The following WIPF2 variants were observed in gnomAD, a reference collection of about 807,000 sequenced individuals.
The protein encoded by WIPF2 is WAS/WASL-interacting protein family member 2.
In WIPF2, 23 loss-of-function variants were observed where a neutral mutation model predicts 38.8. The observed-to-expected ratio is 0.59, with a 90% CI of 0.43 to 0.84. The LOEUF is 0.84. WIPF2 is among the 40% of genes least tolerant of loss of function. The pLI, the probability that WIPF2 is intolerant of heterozygous loss-of-function variation, is 0.00. For missense variants in WIPF2, 574 were observed against 580.5 expected, an observed-to-expected ratio of 0.99 and a Z score of 0.11; for synonymous variants, 210 against 223.2, an observed-to-expected ratio of 0.94 and a Z score of 0.53.
chr17:40,274,564 A>AGG (rs2032334819), intron 6 of WIPF2, among the ~76,000 whole-genome samples: 1 of 130,078 alleles, frequency 7.7e-6, no homozygotes, highest in African/African-American at 2.9e-5. Flanking sequence ...CTTGAAAAAA[A>AGG]AAAAAAAAAA....
chr17:40,231,547 C>CT (rs1165955200), intron 1 of WIPF2, among the ~76,000 whole-genome samples: 1 of 151,470 alleles, frequency 6.6e-6, no homozygotes, highest in African/African-American at 2.4e-5. Context: ...GCCTCAGCCT[C>CT]TGAGTAGCTG....
At position 40,262,636 on chromosome 17, in the gene WIPF2, G is replaced by A. The variant is rs1470459093; in HGVS notation, c.308G>A (p.Gly103Asp). ...LKLRPVGAKDGSENLAGKPAL... is the reference protein window; with the variant it reads ...LKLRPVGAKDDSENLAGKPAL... ...CTTCGACCTGTGGGAGCCAAGGATG[G>A]TTCAGGTATCTGATGAGTACTTTCC... The change falls in exon 4 of 8, where the codon GGT becomes GAT. Residue 103 changes from glycine (G) to aspartate (D), a missense_variant. Coordinates refer to ENST00000323571, the MANE Select transcript of WIPF2 (RefSeq NM_133264.5). The A allele has an allele frequency of 6.2e-7, 1 of 1,613,186 alleles. No individual in the cohort carries two copies.
chr17:40,236,343 T>G (rs200194374), intron 1 of WIPF2, among the ~76,000 whole-genome samples: 76 of 151,304 alleles, frequency 5.0e-4, no homozygotes, highest in African/African-American at 1.7e-3. Context: ...TCTTCTAACC[T>G]TTTTTTTTCT....
chr17:40,238,239 C>T (rs752049753), intron 1 of WIPF2, among the ~76,000 whole-genome samples: 14 of 152,158 alleles, frequency 9.2e-5, no homozygotes, highest in Admixed American at 2.0e-4. Flanking sequence ...TGATTCTTAT[C>T]TTTCGTGTTA....
intron 1 of WIPF2, among the ~76,000 whole-genome samples, chr17:40,238,149 C>T (rs1265569755): frequency 1.3e-5 from 2 of 151,492 alleles, no homozygotes; most frequent in Non-Finnish European, 2.9e-5. Flanking sequence ...GAGCCACCAC[C>T]CCTGTCTCCA....
rs60253561 is a variant in WIPF2, at chr17:40,219,368, TGGCGGCGGCGGC to T, written c.-174_-163del. The T allele has an allele frequency of 1.6e-3, 596 of 379,694 alleles. 5 individuals are homozygous for T. The highest frequency in any genetic ancestry group is 0.012 in the African/African-American group (521 of 42,838). 23.5% of individuals were successfully genotyped at this position (379,694 alleles called of 1,614,324 possible). ...ATTTCCGGGTTGGCAAAAGGGGCGG[TGGCGGCGGCGGC>T]GGCGGCGGCGGCGGCGGCGACGGCG... On this transcript the variant is annotated 5_prime_UTR_variant, in exon 1 of 8. Coordinates refer to ENST00000323571, the MANE Select transcript of WIPF2 (RefSeq NM_133264.5).
intron 1 of WIPF2, among the ~76,000 whole-genome samples, chr17:40,235,801 C>G (rs1018837942): frequency 6.6e-6 from 1 of 151,218 alleles, no homozygotes; most frequent in Admixed American, 6.6e-5. Context: ...CTCGAATTCC[C>G]GACCTCAGGT....
intron 4 of WIPF2, among the ~76,000 whole-genome samples, chr17:40,263,555 C>A (rs771927035): frequency 1.4e-5 from 2 of 143,974 alleles, no homozygotes; most frequent in African/African-American, 5.1e-5. Flanking sequence ...GTCCCCCCCC[C>A]CCCCGCAAAT....
In WIPF2 at chr17:40,273,999, G is replaced by A. The variant is rs748213735; in HGVS notation, c.1180G>A (p.Asp394Asn). The A allele has an allele frequency of 2.0e-6, 3 of 1,529,350 alleles. No individual in the cohort carries two copies. In the South Asian group the frequency reaches 3.8e-5, roughly 19 times the overall value. The allele number at this position is 1,529,350 out of a possible 1,614,324, so 94.7% of individuals were successfully genotyped here. A position where few individuals can be genotyped will look rare whatever the true frequency, so the allele number is the denominator to read the frequency against. ...TATCACCACTGTCCGGTCTTTCTTGGGTGAGTAGCTAGCTATCTGTAGTCT... is the reference window on the plus strand; with the variant it reads ...TATCACCACTGTCCGGTCTTTCTTGAGTGAGTAGCTAGCTATCTGTAGTCT... ...DSITTVRSFL[D>N]DFESKYSFHP... Residue 394 changes from aspartate to asparagine, a missense_variant and splice_region_variant, in exon 6 of 8, where the codon GAT (aspartate) becomes AAT (asparagine). Asp to Asn is a conservative substitution (Grantham distance 23). Coordinates refer to ENST00000323571, the MANE Select transcript of WIPF2 (RefSeq NM_133264.5).
At chr17:40,265,176 TC>T in intron 5 of WIPF2, 30 bp downstream of exon 5, 1 of 1,554,902 alleles carries the variant, frequency 6.4e-7, no homozygotes, top group East Asian at 2.3e-5. Context: ...TTTTTCCCTA[TC>T]ATGCTGTGAG....
At chr17:40,245,800 C>G (rs2031343386) in intron 1 of WIPF2, among the ~76,000 whole-genome samples, 1 of 152,096 alleles carries the variant, frequency 6.6e-6, no homozygotes, top group Admixed American at 6.6e-5. Flanking sequence ...AACAAAATCC[C>G]TCCTGGTTGA....
rs768443316 is a variant in WIPF2, at chr17:40,264,998, T to G, written c.822T>G (p.Pro274=). The change falls in exon 5 of 8, where the codon CCT becomes CCG. Residue 274 remains proline (P), a synonymous_variant. Coordinates refer to ENST00000323571, the MANE Select transcript of WIPF2 (RefSeq NM_133264.5). ...GPSSPTNESA[P]ELPQRHNSLH... Reference sequence around the variant, plus strand: ...CTAGCCCCACTAATGAGTCAGCCCCTGAGCTGCCACAGAGACACAATTCTT... The same window carrying G: ...CTAGCCCCACTAATGAGTCAGCCCCGGAGCTGCCACAGAGACACAATTCTT... 6.2e-7 allele frequency: 1 copy of G among 1,614,072 alleles called. No homozygotes were observed. Among genetic ancestry groups the G allele is most frequent in the East Asian group, 2.2e-5 (1 of 44,872 alleles).
chr17:40,232,899 A>G (rs796673255), intron 1 of WIPF2, among the ~76,000 whole-genome samples: 7 of 152,264 alleles, frequency 4.6e-5, no homozygotes, highest in African/African-American at 1.7e-4. Flanking sequence ...CGGCCTCCCA[A>G]AGTGCTGGTA....
rs779041485 is a variant in WIPF2 at position 40,260,574 on chromosome 17, C to T, written c.103C>T (p.Arg35Trp). The change falls in exon 3 of 8, where the codon CGG (arginine) becomes TGG (tryptophan). Residue 35 changes from arginine (R) to tryptophan (W), a missense_variant. Transcript: ENST00000323571. ...GCCCAAGCTGAGTAGAGATGAGCAGCGGGGTCGAGGCGCCCTCTTACAGGA... is the reference window on the plus strand; with the variant it reads ...GCCCAAGCTGAGTAGAGATGAGCAGTGGGGTCGAGGCGCCCTCTTACAGGA... ...EQPKLSRDEQ[R>W]GRGALLQDIC... is the part of the protein sequence containing the mutation. 1.5e-5 allele frequency: 24 copies of T among 1,613,706 alleles called. No individual in the cohort carries two copies. Among genetic ancestry groups the T allele is most frequent in the East Asian group, 2.2e-5 (1 of 44,854 alleles).
chr17:40,247,866 GT>G (rs2031423559), intron 1 of WIPF2, among the ~76,000 whole-genome samples: 1 of 152,194 alleles, frequency 6.6e-6, no homozygotes, highest in African/African-American at 2.4e-5. Flanking sequence ...ATAGGGTTAA[GT>G]TAGTAATTGT....
Position 40,223,599 on chromosome 17 carries a change from G to GGGT in WIPF2, c.-70+4107_-70+4108insGGT, listed in dbSNP as rs1216607863. Among the ~76,000 whole-genome samples, 67 of 130,310 alleles carry GGGT rather than the reference G, an allele frequency of 5.1e-4. 1 individual carries two copies. In the East Asian group the frequency reaches 8.2e-3, roughly 16 times the overall value. The allele number at this position is 130,310 out of a possible 152,430, so 85.5% of individuals were successfully genotyped here. ...TGTTGAAGAGAAAATTTTTTTTTGG[G>GGGT]TTTTTTTTTTTTTTTTTTGAGACGG... is the stretch of plus-strand genomic sequence containing the variant. On this transcript the variant is annotated intron_variant, in intron 1 of 7. Transcript: ENST00000323571.
chr17:40,248,439 G>C (rs953311026), intron 1 of WIPF2, among the ~76,000 whole-genome samples: 1 of 152,076 alleles, frequency 6.6e-6, no homozygotes, highest in Non-Finnish European at 1.5e-5. Flanking sequence ...AAAGTGCTGG[G>C]ATTATAGGCG....
At chr17:40,246,396 ATT>A (rs746176753) in intron 1 of WIPF2, among the ~76,000 whole-genome samples, 12 of 90,668 alleles carry the variant, frequency 1.3e-4, no homozygotes, top group Admixed American at 1.2e-4. Context: ...TGTGCTGCTC[ATT>A]TTTTTTTTTT....
At chr17:40,259,726 A>G (rs768984770) in intron 2 of WIPF2, among the ~76,000 whole-genome samples, 5 of 152,104 alleles carry the variant, frequency 3.3e-5, no homozygotes, top group Admixed American at 6.6e-5. Flanking sequence ...TTTATTGTTT[A>G]CTAGTTGCAT....
Sources: gnomAD v4.1 joint callset for allele counts (sites outside exome capture counted in the v4.1 genomes callset) on GRCh38, gnomAD v4.1.1 for gene constraint, MANE v1.5 for transcripts, NCBI Gene and HGNC (gene_info 2026-07-23, HGNC 2026-07-21) for gene names.